Variants in SAR1A observed in about 807,000 individuals in gnomAD.
The protein encoded by SAR1A is small COPII coat GTPase SAR1A.
Under a neutral mutation model 22.6 loss-of-function variants are expected in SAR1A, and 6 were observed. That is an observed-to-expected ratio of 0.27 (90% confidence interval 0.15 to 0.52). SAR1A has a LOEUF of 0.52. SAR1A is among the 20% of genes least tolerant of loss of function. SAR1A has a pLI of 0.96. For missense variants in SAR1A, 145 were observed against 245.1 expected, an observed-to-expected ratio of 0.59 and a Z score of 2.73; for synonymous variants, 70 against 82.2, an observed-to-expected ratio of 0.85 and a Z score of 0.80.
intron 4 of SAR1A, 65 bp from the exon 5 acceptor site, chr10:70,157,932 G>T (rs2136713269): frequency 9.1e-7 from 1 of 1,099,184 alleles, no homozygotes; most frequent in Non-Finnish European, 1.4e-6. Context: ...ATAACCTAAT[G>T]GTCTATAAAA....
chr10:70,161,641 T>G lies in SAR1A; in HGVS notation c.156A>C (p.Gln52His). 3 of 1,612,374 alleles carry G rather than the reference T, an allele frequency of 1.9e-6. No homozygotes were observed. Among genetic ancestry groups the G allele is most frequent in the Non-Finnish European group, 2.5e-6 (3 of 1,180,016 alleles). ...TACTCGGATGTAGTGTTGGAACATG[T>G]TGGCCCAATCTGTCATCTTTGAGCA... ...LHMLKDDRLG[Q>H]HVPTLHPTSE... The change falls in exon 3 of 7, where the codon CAA becomes CAC. Residue 52 changes from glutamine to histidine, a missense_variant. Physicochemically the swap from Gln to His is conservative, Grantham distance 24. Transcript: ENST00000373241.
chr10:70,166,198 G>A (rs1409805211), intron 1 of SAR1A, among the ~76,000 whole-genome samples: 1 of 152,194 alleles, frequency 6.6e-6, no homozygotes, highest in East Asian at 1.9e-4. Flanking sequence ...TACTGTACTT[G>A]TTTTATTTCA....
intron 1 of SAR1A, among the ~76,000 whole-genome samples, chr10:70,164,829 C>A (rs115987893): frequency 1.3e-5 from 2 of 152,134 alleles, no homozygotes; most frequent in Admixed American, 1.3e-4. Context: ...ACTGTGAAGA[C>A]CTATTGCTCA....
At chr10:70,160,672 G>C (rs745688040) in intron 4 of SAR1A, among the ~76,000 whole-genome samples, 3 of 152,116 alleles carry the variant, frequency 2.0e-5, no homozygotes, top group Non-Finnish European at 2.9e-5. Flanking sequence ...GTCCTGCTTT[G>C]TAAAAATTTT....
intron 6 of SAR1A, 106 bp downstream of exon 6, chr10:70,153,732 A>G (rs906847856): frequency 3.3e-6 from 3 of 904,242 alleles, no homozygotes; most frequent in African/African-American, 1.7e-5. Context: ...AACTAATCCT[A>G]AGCCTGTTTA....
At chr10:70,156,174 G>C (rs1040649153) in intron 5 of SAR1A, among the ~76,000 whole-genome samples, 1 of 152,164 alleles carries the variant, frequency 6.6e-6, no homozygotes, top group African/African-American at 2.4e-5. Context: ...GAGAGGTCTA[G>C]AGGAGAGAAA....
At chr10:70,168,620 TAA>T (rs1320952516) in intron 1 of SAR1A, among the ~76,000 whole-genome samples, 3 of 152,020 alleles carry the variant, frequency 2.0e-5, no homozygotes, top group African/African-American at 7.2e-5. Context: ...GAAAAATTTC[TAA>T]AGTGATGTAA....
At chr10:70,157,688 A>T in intron 5 of SAR1A, 76 bp downstream of exon 5, 1 of 1,027,344 alleles carries the variant, frequency 9.7e-7, no homozygotes, top group Non-Finnish European at 1.5e-6. Flanking sequence ...CTACTGAGCT[A>T]TATTCCTTAA....
At position 70,151,680 on chromosome 10, in the gene SAR1A, A is replaced by G. The variant is rs1175535064; in HGVS notation, c.*796T>C. 3 of 152,658 alleles carry G rather than the reference A, an allele frequency of 2.0e-5. No homozygotes were observed. The highest frequency in any genetic ancestry group is 4.4e-5 in the Non-Finnish European group (3 of 68,042). 9.5% of individuals were successfully genotyped at this position (152,658 alleles called of 1,614,324 possible). A position where few individuals can be genotyped will look rare whatever the true frequency, so the allele number is the denominator to read the frequency against. Reference sequence around the variant, plus strand: ...CTATAGAGAGAAATTAAATTTCACAAAAGTATAAAAGCAAAGACTGGCTAA... The same window carrying G: ...CTATAGAGAGAAATTAAATTTCACAGAAGTATAAAAGCAAAGACTGGCTAA... On this transcript the variant is annotated 3_prime_UTR_variant, in exon 7 of 7. Coordinates refer to ENST00000373241, the MANE Select transcript of SAR1A (RefSeq NM_020150.5).
At chr10:70,166,915 G>A (rs1017365248) in intron 1 of SAR1A, 3 of 152,002 alleles carry the variant, frequency 2.0e-5, no homozygotes, top group Non-Finnish European at 4.4e-5. Flanking sequence ...CAAGAGGATT[G>A]CTTGAGCCCA....
chr10:70,168,378 T>C (rs1196575098), intron 1 of SAR1A, among the ~76,000 whole-genome samples: 3 of 152,180 alleles, frequency 2.0e-5, no homozygotes, highest in African/African-American at 7.2e-5. Flanking sequence ...GTGGATGACC[T>C]GAGGTCAGGA....
intron 5 of SAR1A, among the ~76,000 whole-genome samples, chr10:70,155,855 G>A (rs755769242): frequency 6.6e-6 from 1 of 152,196 alleles, no homozygotes; most frequent in Non-Finnish European, 1.5e-5. Flanking sequence ...AAGGTAGGCA[G>A]TAAAAAGAAA....
chr10:70,169,122 A>C (rs1839591386), intron 1 of SAR1A, among the ~76,000 whole-genome samples: 1 of 152,202 alleles, frequency 6.6e-6, no homozygotes. Context: ...AGATGAGGAT[A>C]CTCCTAGTTT....
At chr10:70,167,765 T>C (rs1351517715) in intron 1 of SAR1A, among the ~76,000 whole-genome samples, 1 of 152,176 alleles carries the variant, frequency 6.6e-6, no homozygotes, top group Non-Finnish European at 1.5e-5. Flanking sequence ...AGTTTGGCAG[T>C]TTGGGTGGAT....
intron 1 of SAR1A, among the ~76,000 whole-genome samples, chr10:70,169,485 A>G (rs1309388954): frequency 6.6e-6 from 1 of 152,252 alleles, no homozygotes; most frequent in Non-Finnish European, 1.5e-5. Flanking sequence ...AACACTATTA[A>G]TGTACCTAAA....
At chr10:70,161,182 G>A (rs980636825) in intron 3 of SAR1A, 113 bp from the exon 4 acceptor site, 6 of 788,146 alleles carry the variant, frequency 7.6e-6, no homozygotes, top group Non-Finnish European at 1.0e-5. Context: ...GATACAAGAA[G>A]TTGAGTGTGG....
chr10:70,155,465 C>T (rs1213112281), intron 5 of SAR1A, among the ~76,000 whole-genome samples: 1 of 152,124 alleles, frequency 6.6e-6, no homozygotes, highest in Non-Finnish European at 1.5e-5. Context: ...GGAAATGTTA[C>T]ACAAAATTAG....
rs749974570 is a variant in SAR1A at position 70,161,893 on chromosome 10, A to G, written c.23T>C (p.Ile8Thr). The part of the protein sequence containing the change: MSFIFEW[I>T]YNGFSSVLQF... ...GAGCACACTGCTGAAGCCATTGTAG[A>G]TCCACTCAAAGATGAAAGACATTAT... is the stretch of plus-strand genomic sequence containing the variant. The change falls in exon 2 of 7, where the codon ATC becomes ACC. Residue 8 changes from isoleucine to threonine, a missense_variant. Ile to Thr is a moderately conservative substitution (Grantham distance 89, BLOSUM62 -1). Coordinates refer to ENST00000373241, the MANE Select transcript of SAR1A (RefSeq NM_020150.5). 2 of 1,612,792 alleles carry G rather than the reference A, an allele frequency of 1.2e-6. No individual in the cohort carries two copies. The highest frequency in any genetic ancestry group is 1.7e-6 in the Non-Finnish European group (2 of 1,179,708).
intron 1 of SAR1A, among the ~76,000 whole-genome samples, chr10:70,167,874 TTAAC>T (rs1481749433): frequency 1.3e-5 from 2 of 152,246 alleles, no homozygotes; most frequent in Non-Finnish European, 2.9e-5. Context: ...ATTTATCACA[TTAAC>T]TAATAGTTTT....
Sources: gnomAD v4.1 joint callset for allele counts (sites outside exome capture counted in the v4.1 genomes callset) on GRCh38, gnomAD v4.1.1 for gene constraint, MANE v1.5 for transcripts, NCBI Gene and HGNC (gene_info 2026-07-23, HGNC 2026-07-21) for gene names.